CDH20: variants seen among roughly 807,000 people sequenced by gnomAD.
The protein encoded by CDH20 is cadherin-20.
CDH20 carries 29 observed loss-of-function variants against 74.2 expected under a neutral mutation model. The ratio of observed to expected loss-of-function variants is 0.39; its 90% confidence interval spans 0.29 to 0.53. The LOEUF is 0.53. Ranked by LOEUF, CDH20 falls within the 20% of genes least tolerant of loss-of-function variation. CDH20 has a pLI of 0.69. For missense variants in CDH20, 988 were observed against 1,048.3 expected (o/e 0.94, Z 0.79); for synonymous variants, 469 against 405.4 (o/e 1.16, Z -1.88).
intron 6 of CDH20, among the ~76,000 whole-genome samples, chr18:61,524,205 A>C (rs1042571871): frequency 2.0e-5 from 3 of 152,202 alleles, no homozygotes; most frequent in African/African-American, 7.2e-5. Flanking sequence ...AGAAAGATGC[A>C]TCACGAGGCA....
intron 9 of CDH20, among the ~76,000 whole-genome samples, chr18:61,539,617 C>T (rs1314428373): frequency 6.6e-6 from 1 of 152,124 alleles, no homozygotes; most frequent in African/African-American, 2.4e-5. Flanking sequence ...AAGTGAGAGA[C>T]CAGGAAGACC....
intron 1 of CDH20, among the ~76,000 whole-genome samples, chr18:61,449,707 T>A (rs1909317328): frequency 6.6e-6 from 1 of 151,962 alleles, no homozygotes; most frequent in Non-Finnish European, 1.5e-5. Context: ...GAAATAAAAT[T>A]ATACAATATT....
rs1395057651 is a variant in CDH20, at chr18:61,468,701, G to C, written c.-152-21701G>C. On this transcript the variant is annotated intron_variant, in intron 1 of 11. Coordinates refer to ENST00000262717, the MANE Select transcript of CDH20 (RefSeq NM_031891.4). The stretch of plus-strand genomic sequence containing the variant: ...GGGAACTCGCCTTACTGTAAGCATC[G>C]CTTCCATTGCAGCAAGCTGGCTATG... Among the ~76,000 whole-genome samples, 4 of 152,070 alleles carry C rather than the reference G, an allele frequency of 2.6e-5. No homozygotes were observed. The South Asian group carries it at 8.3e-4, about 32-fold the overall frequency.
intron 1 of CDH20, among the ~76,000 whole-genome samples, chr18:61,381,212 G>T (rs1911423631): frequency 1.3e-5 from 2 of 152,030 alleles, no homozygotes; most frequent in African/African-American, 2.4e-5. Context: ...TTGGAGCTAA[G>T]AAAAAAGATT....
At chr18:61,510,064 G>A (rs1008085423) in intron 6 of CDH20, among the ~76,000 whole-genome samples, 1 of 152,144 alleles carries the variant, frequency 6.6e-6, no homozygotes, top group African/African-American at 2.4e-5. Flanking sequence ...GTAGAGACAT[G>A]TCATGGCTTT....
chr18:61,447,904 G>C (rs149218882), intron 1 of CDH20, among the ~76,000 whole-genome samples: 4 of 152,240 alleles, frequency 2.6e-5, no homozygotes, highest in African/African-American at 9.6e-5. Context: ...CACTGCAACA[G>C]ATGTCCTGGG....
chr18:61,481,610 T>C (rs1173407635), intron 1 of CDH20, among the ~76,000 whole-genome samples: 1 of 152,238 alleles, frequency 6.6e-6, no homozygotes, highest in African/African-American at 2.4e-5. Flanking sequence ...AAGGCAAATT[T>C]TTCTTTTTCT....
intron 1 of CDH20, among the ~76,000 whole-genome samples, chr18:61,379,272 G>T (rs1008660038): frequency 3.3e-5 from 5 of 152,088 alleles, no homozygotes; most frequent in Non-Finnish European, 7.4e-5. Context: ...CTTAATTTGT[G>T]CTGGGCACAT....
At chr18:61,453,570 C>T (rs539970941) in intron 1 of CDH20, among the ~76,000 whole-genome samples, 38 of 152,310 alleles carry the variant, frequency 2.5e-4, no homozygotes, top group African/African-American at 7.0e-4. Context: ...TGAGCCACCA[C>T]GCCCAGCCGA....
rs1910709033 is a variant in CDH20, at chr18:61,484,990, G to A, written c.-152-5412G>A. The stretch of plus-strand genomic sequence containing the variant: ...GTGGTGGGAAAGAGAAGATTTCAGA[G>A]AACTGACAATGGCCTGAGTGAACAT... On this transcript the variant is annotated intron_variant, in intron 1 of 11. Transcript: ENST00000262717. 2.0e-5 allele frequency among the ~76,000 whole-genome samples: 3 copies of A among 152,130 alleles called. No homozygotes were observed. The South Asian group carries it at 6.2e-4, about 32-fold the overall frequency.
At chr18:61,500,147 A>C (rs1377552415) in intron 3 of CDH20, among the ~76,000 whole-genome samples, 1 of 125,992 alleles carries the variant, frequency 7.9e-6, no homozygotes, top group African/African-American at 3.0e-5. Context: ...AAAAAAAAAA[A>C]AAGCAATGAA....
intron 1 of CDH20, among the ~76,000 whole-genome samples, chr18:61,438,126 T>C (rs12953373): frequency 0.28 from 42,530 of 152,022 alleles, 6,610 homozygotes; most frequent in Non-Finnish European, 0.36. Flanking sequence ...AAACTTACTA[T>C]GTCTCAGTTT....
intron 1 of CDH20, among the ~76,000 whole-genome samples, chr18:61,368,824 G>A (rs1004060739): frequency 6.7e-6 from 1 of 150,228 alleles, no homozygotes; most frequent in Non-Finnish European, 1.5e-5. Flanking sequence ...TATAAAGCCA[G>A]GCTGGAATAA....
intron 6 of CDH20, 140 bp downstream of exon 6, chr18:61,507,700 ACACACAG>A: frequency 1.8e-6 from 1 of 546,110 alleles, no homozygotes; most frequent in Non-Finnish European, 3.0e-6. Flanking sequence ...AAAAAAAAAA[ACACACAG>A]AAAACCTCTT....
intron 1 of CDH20, among the ~76,000 whole-genome samples, chr18:61,360,117 G>A (rs1361979361): frequency 6.6e-6 from 1 of 152,132 alleles, no homozygotes; most frequent in Non-Finnish European, 1.5e-5. Flanking sequence ...CAAACAGGCA[G>A]GAAAAATAGT....
intron 1 of CDH20, chr18:61,405,268 G>A (rs1332644696): frequency 5.6e-6 from 2 of 358,186 alleles, no homozygotes; most frequent in Non-Finnish European, 5.3e-6. Context: ...GCCCGGGAGC[G>A]AGAAAGGCCA....
At chr18:61,547,231 G>A (rs1172468822) in intron 10 of CDH20, among the ~76,000 whole-genome samples, 1 of 152,074 alleles carries the variant, frequency 6.6e-6, no homozygotes, top group Admixed American at 6.5e-5. Flanking sequence ...GGGAGGCTAA[G>A]GTGGGAGGAT....
chr18:61,485,833 G>A (rs1340477796), intron 1 of CDH20, among the ~76,000 whole-genome samples: 1 of 152,132 alleles, frequency 6.6e-6, no homozygotes, highest in Admixed American at 6.5e-5. Flanking sequence ...CAGCACTTTG[G>A]GAGGCCGAGG....
chr18:61,534,473 C>G (rs1172831661), intron 7 of CDH20, among the ~76,000 whole-genome samples: 1 of 152,200 alleles, frequency 6.6e-6, no homozygotes, highest in Non-Finnish European at 1.5e-5. Context: ...GATACAGAAA[C>G]AACCTTAGTG....
Sources: gnomAD v4.1 joint callset for allele counts (sites outside exome capture counted in the v4.1 genomes callset) on GRCh38, gnomAD v4.1.1 for gene constraint, MANE v1.5 for transcripts, NCBI Gene and HGNC (gene_info 2026-07-23, HGNC 2026-07-21) for gene names.